The following TBXAS1 variants were observed in gnomAD, a reference collection of about 807,000 sequenced individuals.
TBXAS1 encodes thromboxane A synthase 1.
Under a neutral mutation model 60.7 loss-of-function variants are expected in TBXAS1, and 48 were observed. The observed-to-expected ratio is 0.79, with a 90% CI of 0.63 to 1.01. The LOEUF is 1.01. Ranked by LOEUF, TBXAS1 falls within the 50% of genes least tolerant of loss-of-function variation. The pLI is 0.00. For synonymous variants in TBXAS1, 287 were observed against 269.7 expected, an observed-to-expected ratio of 1.06 and a Z score of -0.63; for missense variants, 685 against 686.3, an observed-to-expected ratio of 1.00 and a Z score of 0.02.
chr7:139,789,032 A>G (rs1797290790), intron 4 of TBXAS1, among the ~76,000 whole-genome samples: 1 of 152,142 alleles, frequency 6.6e-6, no homozygotes, highest in South Asian at 2.1e-4. Flanking sequence ...AGCAGAATAT[A>G]ACCCTTTCTC....
At chr7:139,812,236 T>C (rs1798036774) in intron 4 of TBXAS1, among the ~76,000 whole-genome samples, 1 of 152,182 alleles carries the variant, frequency 6.6e-6, no homozygotes, top group Non-Finnish European at 1.5e-5. Flanking sequence ...GTTCTACACT[T>C]TGTGGTTGAG....
At chr7:139,936,167 C>A (rs757675696) in intron 4 of TBXAS1, 24 bp from the exon 5 acceptor site, 1 of 1,613,384 alleles carries the variant, frequency 6.2e-7, no homozygotes, top group East Asian at 2.2e-5. Context: ...GAGTCCTGAC[C>A]CTCTGCTTGT....
chr7:139,968,350 A>C (rs986252202), intron 9 of TBXAS1, among the ~76,000 whole-genome samples: 1 of 152,180 alleles, frequency 6.6e-6, no homozygotes, highest in Non-Finnish European at 1.5e-5. Context: ...GCTGGTGTGC[A>C]GTGGTGCAAT....
At chr7:139,909,040 T>G (rs1365339995) in intron 3 of TBXAS1, among the ~76,000 whole-genome samples, 2 of 152,220 alleles carry the variant, frequency 1.3e-5, no homozygotes, top group African/African-American at 4.8e-5. Flanking sequence ...CCTGCTGTCC[T>G]TTGAACTGGT....
intron 1 of TBXAS1, among the ~76,000 whole-genome samples, chr7:139,853,528 G>A (rs140960476): frequency 3.9e-4 from 59 of 152,290 alleles, no homozygotes; most frequent in African/African-American, 1.3e-3. Context: ...ACAGAATTTG[G>A]GGAGGAGTAA....
chr7:139,927,413 TA>T (rs1202293484), intron 4 of TBXAS1, among the ~76,000 whole-genome samples: 6 of 152,188 alleles, frequency 3.9e-5, no homozygotes, highest in Non-Finnish European at 8.8e-5. Context: ...ATAAAACTAA[TA>T]AAAACTCTAC....
At chr7:139,851,873 T>C (rs1800239308) in intron 1 of TBXAS1, among the ~76,000 whole-genome samples, 1 of 152,186 alleles carries the variant, frequency 6.6e-6, no homozygotes, top group Non-Finnish European at 1.5e-5. Flanking sequence ...TCCCCCATTG[T>C]ACCAGGGTCA....
intron 4 of TBXAS1, among the ~76,000 whole-genome samples, chr7:139,810,123 G>A (rs951008660): frequency 6.7e-6 from 1 of 148,866 alleles, no homozygotes; most frequent in Non-Finnish European, 1.5e-5. Context: ...TGCAACCTCT[G>A]TTTCACGGGC....
At chr7:139,836,063 T>C (rs1267378959) in intron 1 of TBXAS1, among the ~76,000 whole-genome samples, 4 of 149,382 alleles carry the variant, frequency 2.7e-5, no homozygotes, top group Non-Finnish European at 5.9e-5. Context: ...AATAAATAAA[T>C]AAATAAATAA....
intron 3 of TBXAS1, among the ~76,000 whole-genome samples, chr7:139,880,537 C>T (rs1802618587): frequency 1.3e-5 from 2 of 152,200 alleles, no homozygotes; most frequent in African/African-American, 4.8e-5. Flanking sequence ...TTCACAGAGG[C>T]AACCTCTCTT....
chr7:140,010,398 CTG>C (rs1335385479), intron 10 of TBXAS1, among the ~76,000 whole-genome samples: 1 of 152,228 alleles, frequency 6.6e-6, no homozygotes, highest in Non-Finnish European at 1.5e-5. Flanking sequence ...GCAGCCCTGT[CTG>C]AGCGCCACTG....
chr7:139,995,497 T>C (rs190256728), intron 9 of TBXAS1, among the ~76,000 whole-genome samples: 1 of 152,178 alleles, frequency 6.6e-6, no homozygotes, highest in East Asian at 1.9e-4. Flanking sequence ...GGTGGGGGCG[T>C]GGCCATGCTG....
chr7:140,003,247 TGCTCTTGATG>T (rs1333586893), intron 9 of TBXAS1, among the ~76,000 whole-genome samples: 1 of 152,148 alleles, frequency 6.6e-6, no homozygotes, highest in African/African-American at 2.4e-5. Flanking sequence ...GATGGAGTTT[TGCTCTTGATG>T]CCTAGGCTGT....
intron 12 of TBXAS1, among the ~76,000 whole-genome samples, chr7:140,019,076 A>G (rs1476740277): frequency 6.6e-6 from 1 of 152,246 alleles, no homozygotes; most frequent in Non-Finnish European, 1.5e-5. Context: ...AGGCAGGCAT[A>G]GGAAGGCATA....
chr7:139,859,397 A>G (rs771070372), intron 1 of TBXAS1, among the ~76,000 whole-genome samples: 81 of 150,742 alleles, frequency 5.4e-4, no homozygotes, highest in Non-Finnish European at 9.9e-4. Context: ...TAGTAGAGAC[A>G]GGGTTTCACT....
intron 3 of TBXAS1, among the ~76,000 whole-genome samples, chr7:139,880,965 G>C (rs992853177): frequency 1.6e-4 from 25 of 152,062 alleles, no homozygotes; most frequent in Non-Finnish European, 8.8e-5. Flanking sequence ...TAAAATGTGT[G>C]GTCACAATTT....
chr7:139,857,378 T>C (rs1045140150), intron 1 of TBXAS1, among the ~76,000 whole-genome samples: 2 of 151,820 alleles, frequency 1.3e-5, no homozygotes, highest in Admixed American at 6.6e-5. Flanking sequence ...TATAAAAGAG[T>C]TTTTGGGGGA....
intron 1 of TBXAS1, among the ~76,000 whole-genome samples, chr7:139,837,046 A>G (rs1027772891): frequency 1.3e-5 from 2 of 152,248 alleles, no homozygotes; most frequent in African/African-American, 2.4e-5. Context: ...TGACCAACAA[A>G]CATGAAAAAA....
chr7:139,958,764 T>C (rs1810081047), intron 8 of TBXAS1, among the ~76,000 whole-genome samples: 2 of 152,200 alleles, frequency 1.3e-5, no homozygotes. Flanking sequence ...TGGGAAGGTG[T>C]AGGCAAGCTT....
Sources: gnomAD v4.1 joint callset for allele counts (sites outside exome capture counted in the v4.1 genomes callset) on GRCh38, gnomAD v4.1.1 for gene constraint, MANE v1.5 for transcripts, NCBI Gene and HGNC (gene_info 2026-07-23, HGNC 2026-07-21) for gene names.